The following POU2AF3 variants were observed in gnomAD, a reference collection of about 807,000 sequenced individuals.
POU2AF3 encodes the protein cancer susceptibility candidate 13.
the POU2AF3 span, among the ~76,000 whole-genome samples, chr11:111,303,485 A>G: frequency 6.6e-6 from 1 of 152,196 alleles, no homozygotes; most frequent in South Asian, 2.1e-4. Context: ...GAAAGATAAT[A>G]TCAAGTAGGA....
chr11:111,306,726 A>C, the POU2AF3 span: 1 of 865,908 alleles, frequency 1.2e-6, no homozygotes, highest in Non-Finnish European at 1.8e-6. Flanking sequence ...AAAAACTATC[A>C]GCAAGGAAAT....
the POU2AF3 span, among the ~76,000 whole-genome samples, chr11:111,305,708 G>A: frequency 3.9e-5 from 6 of 151,960 alleles, no homozygotes; most frequent in Admixed American, 1.3e-4. Flanking sequence ...ATAATAAAAT[G>A]GAAAAGGAGT....
chr11:111,303,786 G>T, the POU2AF3 span, among the ~76,000 whole-genome samples: 1 of 152,030 alleles, frequency 6.6e-6, no homozygotes, highest in African/African-American at 2.4e-5. Flanking sequence ...GAGTATGGGA[G>T]TGAGTATGCC....
At chr11:111,301,486 A>G in the POU2AF3 span, among the ~76,000 whole-genome samples, 1 of 140,446 alleles carries the variant, frequency 7.1e-6, no homozygotes, top group Admixed American at 7.5e-5. Context: ...CTGCCCCACA[A>G]CAGTTTTTGT....
the POU2AF3 span, chr11:111,300,280 A>G: frequency 3.4e-5 from 11 of 321,674 alleles, no homozygotes; most frequent in Non-Finnish European, 6.2e-5. Flanking sequence ...AGGCCCAGCC[A>G]GGGGTGGATG....
the POU2AF3 span, chr11:111,308,572 G>A: frequency 1.0e-6 from 1 of 967,590 alleles, no homozygotes; most frequent in South Asian, 1.8e-5. Flanking sequence ...CCAATTTTCT[G>A]ATGCTAAGCA....
the POU2AF3 span, among the ~76,000 whole-genome samples, chr11:111,304,365 C>T: frequency 6.6e-6 from 1 of 152,076 alleles, no homozygotes; most frequent in Non-Finnish European, 1.5e-5. Context: ...TAATAGGAAG[C>T]CTTTTGCTGC....
chr11:111,301,668 A>G, the POU2AF3 span, among the ~76,000 whole-genome samples: 3 of 152,272 alleles, frequency 2.0e-5, no homozygotes, highest in East Asian at 1.9e-4. Flanking sequence ...CAAGCAAATT[A>G]CCCAATTCCT....
the POU2AF3 span, chr11:111,308,602 C>T: frequency 6.1e-6 from 4 of 652,248 alleles, no homozygotes; most frequent in South Asian, 1.1e-4. Context: ...AGTCCTCAGA[C>T]CCGGTCACAG....
At chr11:111,298,824 A>AGGCGGGGGGC in the POU2AF3 span, 2 of 903,142 alleles carry the variant, frequency 2.2e-6, no homozygotes, top group Non-Finnish European at 2.9e-6. Flanking sequence ...CGCGTACCCC[A>AGGCGGGGGGC]GGCCCCCGCC....
At chr11:111,300,361 C>G in the POU2AF3 span, 3 of 359,294 alleles carry the variant, frequency 8.3e-6, no homozygotes, top group Non-Finnish European at 1.5e-5. Context: ...TTCATTCTTT[C>G]AAGTTTGAAA....
the POU2AF3 span, chr11:111,299,680 G>A: frequency 8.1e-7 from 1 of 1,231,274 alleles, no homozygotes; most frequent in Non-Finnish European, 1.0e-6. Context: ...TCGCCCCGGA[G>A]CCTCAGTGCG....
the POU2AF3 span, chr11:111,306,295 T>TC: frequency 1.7e-6 from 1 of 572,046 alleles, no homozygotes; most frequent in Non-Finnish European, 2.7e-6. Flanking sequence ...AAGCCCCCTT[T>TC]CCCCCTAGAC....
the POU2AF3 span, chr11:111,299,131 T>A: frequency 1.0e-6 from 1 of 955,852 alleles, no homozygotes; most frequent in Non-Finnish European, 1.2e-6. Flanking sequence ...GGGTCCGGGC[T>A]AGGAAGAGCG....
At chr11:111,307,968 C>G in the POU2AF3 span, 4 of 1,140,730 alleles carry the variant, frequency 3.5e-6, no homozygotes, top group South Asian at 2.1e-5. Flanking sequence ...TGGTTTTTTA[C>G]CCCTCATTTT....
the POU2AF3 span, chr11:111,307,920 C>T: frequency 3.2e-6 from 2 of 619,776 alleles, no homozygotes; most frequent in African/African-American, 3.8e-5. Flanking sequence ...AATAAAATTA[C>T]TTCTGCAGAC....
the POU2AF3 span, among the ~76,000 whole-genome samples, chr11:111,302,230 G>C: frequency 6.6e-6 from 1 of 152,148 alleles, no homozygotes. Context: ...AAACCCTTCT[G>C]TTGGCTCTTT....
chr11:111,305,373 G>T, the POU2AF3 span, among the ~76,000 whole-genome samples: 1 of 152,156 alleles, frequency 6.6e-6, no homozygotes, highest in African/African-American at 2.4e-5. Context: ...TGTTCCTTTA[G>T]TTTCCAGCCG....
the POU2AF3 span, chr11:111,299,349 G>A: frequency 1.0e-6 from 1 of 990,558 alleles, no homozygotes; most frequent in Non-Finnish European, 1.2e-6. Flanking sequence ...GCAGGGTAGT[G>A]GTCAGGGCCG....
Sources: gnomAD v4.1 joint callset for allele counts (sites outside exome capture counted in the v4.1 genomes callset) on GRCh38, gnomAD v4.1.1 for gene constraint, MANE v1.5 for transcripts, NCBI Gene and HGNC (gene_info 2026-07-23, HGNC 2026-07-21) for gene names.